SLC9A6: variants seen among roughly 807,000 people sequenced by gnomAD.
SLC9A6 encodes the protein sodium/hydrogen exchanger 6.
SLC9A6 carries 6 observed loss-of-function variants against 45.3 expected under a neutral mutation model. The observed-to-expected ratio is 0.13, with a 90% CI of 0.07 to 0.26. The LOEUF (loss-of-function observed/expected upper bound fraction) is 0.26, where lower values mean the gene tolerates loss of function less well. SLC9A6 is among the 10% of genes least tolerant of loss of function. SLC9A6 has a pLI of 1.00. For synonymous variants in SLC9A6, 191 were observed against 187.7 expected (o/e 1.02, Z -0.14); for missense variants, 278 against 503.7 (o/e 0.55, Z 4.29).
intron 1 of SLC9A6, among the ~76,000 whole-genome samples, chrX:135,979,766 C>T (rs1413717275): frequency 9.0e-6 from 1 of 111,715 alleles, no homozygotes; most frequent in African/African-American, 3.3e-5. Flanking sequence ...TACCTTTCCA[C>T]ATTTCTTTTC....
chrX:136,040,773 G>A (rs2071493631), intron 17 of SLC9A6, among the ~76,000 whole-genome samples: 1 of 112,504 alleles, frequency 8.9e-6, no homozygotes, highest in Admixed American at 9.4e-5. Context: ...AGAAATCCTA[G>A]CTGACCTTTG....
chrX:136,032,152 C>T (rs2071335511), intron 15 of SLC9A6, among the ~76,000 whole-genome samples: 1 of 112,242 alleles, frequency 8.9e-6, no homozygotes, highest in Admixed American at 9.4e-5. Flanking sequence ...ACTGCAACCT[C>T]CACCTCCCAG....
Position 135,991,542 on chromosome X carries a change from C to T in SLC9A6, c.170-3244C>T, listed in dbSNP as rs188763020. 2.8e-3 allele frequency among the ~76,000 whole-genome samples: 310 copies of T among 111,140 alleles called. 1 individual carries two copies. The highest frequency in any genetic ancestry group is 9.5e-3 in the African/African-American group (291 of 30,590). The stretch of plus-strand genomic sequence containing the variant: ...CAAAGTGCTAGGATTACACGTGAGC[C>T]ACTGCGCCCGGCTGGCAACGACTGC... On this transcript the variant is annotated intron_variant, in intron 2 of 17. Coordinates refer to ENST00000630721, the MANE Select transcript of SLC9A6 (RefSeq NM_001379110.1).
intron 8 of SLC9A6, 76 bp downstream of exon 8, chrX:136,010,659 A>G: frequency 1.1e-6 from 1 of 933,291 alleles, no homozygotes; most frequent in Non-Finnish European, 1.5e-6. Context: ...TGTTTTTCCT[A>G]GTTCTATGAT....
intron 1 of SLC9A6, among the ~76,000 whole-genome samples, chrX:135,978,651 CA>C (rs201997429): frequency 4.8e-3 from 387 of 80,900 alleles, no homozygotes; most frequent in South Asian, 0.012. Flanking sequence ...GACTCCATCT[CA>C]AAAAAAAAAA....
At chrX:135,975,697 A>G (rs781901241) in intron 1 of SLC9A6, among the ~76,000 whole-genome samples, 5 of 112,325 alleles carry the variant, frequency 4.5e-5, no homozygotes, top group African/African-American at 1.3e-4. Context: ...AGTCCTTCCA[A>G]TCTTTTGAAT....
At chrX:136,023,533 A>G (rs782177955) in intron 12 of SLC9A6, among the ~76,000 whole-genome samples, 16 of 110,015 alleles carry the variant, frequency 1.5e-4, no homozygotes, top group Non-Finnish European at 2.3e-4. Flanking sequence ...TAAGTGCAAG[A>G]AGCCAGTCTT....
chrX:135,977,894 AGTG>A (rs2089270195), intron 1 of SLC9A6, among the ~76,000 whole-genome samples: 1 of 112,267 alleles, frequency 8.9e-6, no homozygotes, highest in South Asian at 3.7e-4. Flanking sequence ...TCTACACTAC[AGTG>A]GTTAAAAGCA....
At chrX:136,003,139 C>G (rs1368089991) in intron 7 of SLC9A6, among the ~76,000 whole-genome samples, 1 of 110,671 alleles carries the variant, frequency 9.0e-6, no homozygotes, top group Non-Finnish European at 1.9e-5. Context: ...CAGGCTCCTA[C>G]CACCACGCCC....
At chrX:136,022,445 A>G in intron 11 of SLC9A6, 141 bp from the exon 12 acceptor site, 1 of 374,874 alleles carries the variant, frequency 2.7e-6, no homozygotes. Context: ...TCTGTTGGAC[A>G]GTGTTATGTT....
At chrX:135,996,484 A>G (rs1162246116) in intron 3 of SLC9A6, among the ~76,000 whole-genome samples, 1 of 111,581 alleles carries the variant, frequency 9.0e-6, no homozygotes, top group Non-Finnish European at 1.9e-5. Flanking sequence ...GTGTGTAGCT[A>G]CTTTGTGTTC....
chrX:135,976,603 C>CA lies in SLC9A6; in HGVS notation c.-57+1832dup, dbSNP rs1180579113. 3.2e-3 allele frequency among the ~76,000 whole-genome samples: 270 copies of CA among 84,685 alleles called. 1 individual carries two copies. Among genetic ancestry groups the CA allele is most frequent in the African/African-American group, 9.6e-3 (219 of 22,925 alleles). The allele number at this position is 84,685 out of a possible 115,157, so 73.5% of individuals were successfully genotyped here. ...GGCAACAAGAGTGAAACTCCATTTC[C>CA]AAAAAAAAAAAAGAAAAAAGAAAAA... On this transcript the variant is annotated intron_variant, in intron 1 of 16. Transcript: ENST00000636092.
upstream of SLC9A6, among the ~76,000 whole-genome samples, chrX:135,983,979 G>T (rs1339401494): frequency 9.0e-6 from 1 of 110,990 alleles, no homozygotes; most frequent in Admixed American, 9.6e-5. Flanking sequence ...AGTACTAATA[G>T]CAGAGAATGG....
intron 2 of SLC9A6, among the ~76,000 whole-genome samples, chrX:135,992,034 T>A (rs2089440520): frequency 8.9e-6 from 1 of 111,939 alleles, no homozygotes; most frequent in South Asian, 3.8e-4. Context: ...TAGCTCCAGA[T>A]ACCACATACT....
rs782454939 is a variant in SLC9A6 at position 135,991,411 on chromosome X, C to A, written c.170-3375C>A. On this transcript the variant is annotated intron_variant, in intron 2 of 17. Coordinates refer to ENST00000630721, the MANE Select transcript of SLC9A6 (RefSeq NM_001379110.1). ...TAGCTGGGATTACAGGTGCCTGCCA[C>A]CACGCCCGGCTAATTTTTGTATTTT... is the stretch of plus-strand genomic sequence containing the variant. 7.2e-5 allele frequency among the ~76,000 whole-genome samples: 8 copies of A among 110,618 alleles called. No individual in the cohort carries two copies. The East Asian group carries it at 2.3e-3, about 32-fold the overall frequency.
chrX:135,974,435 T>C (rs1489331554), upstream of SLC9A6, among the ~76,000 whole-genome samples: 1 of 18,959 alleles, frequency 5.3e-5, no homozygotes, highest in Non-Finnish European at 9.2e-5. Context: ...GGGGAGGAGG[T>C]GGGACCGAGG....
Position 136,024,418 on chromosome X carries a change from T to A in SLC9A6, c.1395T>A (p.Ile465=), listed in dbSNP as rs782318262. 4 of 1,209,039 alleles carry A rather than the reference T, an allele frequency of 3.3e-6. No individual in the cohort carries two copies. The highest frequency in any genetic ancestry group is 4.5e-6 in the Non-Finnish European group (4 of 894,744). Residue 465 remains isoleucine, a synonymous_variant, in exon 13 of 18, where the codon ATT becomes ATA. Coordinates refer to ENST00000630721, the MANE Select transcript of SLC9A6 (RefSeq NM_001379110.1). The stretch of plus-strand genomic sequence containing the variant: ...TGATGTTCAGCACCACGCTTCTGAT[T>A]GTGTTTTTTACCGTGTGGGTATTTG... ...RQMMFSTTLL[I]VFFTVWVFGG... is the part of the protein sequence containing the mutation.
Position 136,022,647 on chromosome X carries a change from G to T in SLC9A6, c.1256G>T (p.Gly419Val), listed in dbSNP as rs2071147428. The stretch of plus-strand genomic sequence containing the variant: ...CCCTTGTCCCTCTTACTTAATTTGG[G>T]TAGAAGAAGTAAGATTGGATCAAAT... ...IYPLSLLLNL[G>V]RRSKIGSNFQ... is the part of the protein sequence containing the mutation. Residue 419 changes from glycine (G) to valine (V), a missense_variant, in exon 12 of 18, where the codon GGT becomes GTT. By Grantham distance (109) the Gly-to-Val change is moderately radical. Coordinates refer to ENST00000630721, the MANE Select transcript of SLC9A6 (RefSeq NM_001379110.1). 1 of 1,195,187 alleles carries T rather than the reference G, an allele frequency of 8.4e-7. No individual in the cohort carries two copies. Among genetic ancestry groups the T allele is most frequent in the African/African-American group, 1.8e-5 (1 of 56,696 alleles).
chrX:135,980,905 T>G (rs1268258434), upstream of SLC9A6, among the ~76,000 whole-genome samples: 1 of 112,002 alleles, frequency 8.9e-6, no homozygotes, highest in African/African-American at 3.2e-5. Context: ...GTTCCTGTTT[T>G]GGTTAGGCCT....
Sources: allele counts gnomAD v4.1 joint callset (sites outside exome capture counted in the v4.1 genomes callset), GRCh38; gene constraint gnomAD v4.1.1; transcripts MANE v1.5; gene names NCBI Gene and HGNC (gene_info 2026-07-23, HGNC 2026-07-21).